Variants in RASGRP2 observed in about 807,000 individuals in gnomAD.
RASGRP2 encodes the protein RAS guanyl releasing protein 2.
RASGRP2 carries 44 observed loss-of-function variants against 71.0 expected under a neutral mutation model. The observed-to-expected ratio is 0.62, with a 90% CI of 0.49 to 0.80. The LOEUF (loss-of-function observed/expected upper bound fraction) is 0.80, where lower values mean the gene tolerates loss of function less well. Among genes scored for constraint, RASGRP2 ranks in the 30% least tolerant of loss-of-function variants. The probability of loss-of-function intolerance (pLI) is 0.00; values close to 1 mark genes in which losing one functional copy is unlikely to be tolerated. For synonymous variants in RASGRP2, 350 were observed against 330.7 expected (o/e 1.06, Z -0.63); for missense variants, 663 against 813.4 (o/e 0.82, Z 2.25).
chr11:64,742,245 G>A lies in RASGRP2; in HGVS notation c.74-133C>T. On this transcript the variant is annotated intron_variant, in intron 2 of 16. Coordinates refer to ENST00000394432, the MANE Select transcript of RASGRP2 (RefSeq NM_001098671.2). The surrounding 1 kb of genome is among the most constrained non-coding windows in gnomAD (Gnocchi z 4.7). ...CCCCGCCCACCTCCTGCTTGCCCAG[G>A]ACTCCGAGAGCAGGAGGCAAATTAG... is the stretch of plus-strand genomic sequence containing the variant. 1 of 737,088 alleles carries A rather than the reference G, an allele frequency of 1.4e-6. No homozygotes were observed. Among genetic ancestry groups the A allele is most frequent in the Non-Finnish European group, 2.4e-6 (1 of 408,938 alleles). The allele number at this position is 737,088 out of a possible 1,614,324, so 45.7% of individuals were successfully genotyped here. A position where few individuals can be genotyped will look rare whatever the true frequency, so the allele number is the denominator to read the frequency against.
At position 64,735,605 on chromosome 11, in the gene RASGRP2, G is replaced by C; in HGVS notation, c.1233C>G (p.Thr411=). 6.2e-7 allele frequency: 1 copy of C among 1,614,108 alleles called. No individual in the cohort carries two copies. The highest frequency in any genetic ancestry group is 2.2e-5 in the East Asian group (1 of 44,884). Residue 411 remains threonine, a synonymous_variant, in exon 11 of 17, where the codon ACC becomes ACG. Transcript: ENST00000394432. This position sits in a 1 kb window ranked among gnomAD's most constrained non-coding sequence, Gnocchi z 4.2. ...GATCCAGCTTGGGTTTGGCAGCCGA[G>C]GTCCACTCCTCCAGTACCGGGGGCC... ...PPRPPVLEEW[T]SAAKPKLDQA...
Position 64,742,926 on chromosome 11 carries a change from C to T in RASGRP2, c.-60G>A, listed in dbSNP as rs1386162667. On this transcript the variant is annotated 5_prime_UTR_variant, in exon 2 of 17. Coordinates refer to ENST00000394432, the MANE Select transcript of RASGRP2 (RefSeq NM_001098671.2). This position sits in a 1 kb window ranked among gnomAD's most constrained non-coding sequence, Gnocchi z 4.7. The stretch of plus-strand genomic sequence containing the variant: ...CGCTCCGGGAGCCTCCCACCGGGCT[C>T]GGACCGAACCCCTGTCCCGGGAGAG... 10 of 1,538,216 alleles carry T rather than the reference C, an allele frequency of 6.5e-6. No individual in the cohort carries two copies. Among genetic ancestry groups the T allele is most frequent in the Non-Finnish European group, 7.8e-6 (9 of 1,147,130 alleles).
chr11:64,735,722 G>A lies in RASGRP2; in HGVS notation c.1174-58C>T. On this transcript the variant is annotated intron_variant, in intron 10 of 16. Transcript: ENST00000394432. The surrounding 1 kb of genome is among the most constrained non-coding windows in gnomAD (Gnocchi z 4.2). The stretch of plus-strand genomic sequence containing the variant: ...GAGGCAGGGGAAGCCCAGAGCCCCG[G>A]GGAACAGAGAGGGGAATCCCTGGGA... The A allele has an allele frequency of 6.4e-7, 1 of 1,571,080 alleles. No homozygotes were observed. Among genetic ancestry groups the A allele is most frequent in the South Asian group, 1.2e-5 (1 of 86,746 alleles).
chr11:64,733,998 C>T (rs962980629), intron 12 of RASGRP2, among the ~76,000 whole-genome samples: 10 of 151,624 alleles, frequency 6.6e-5, no homozygotes, highest in Non-Finnish European at 1.5e-4. Context: ...ACTACAGGCA[C>T]GTGCCACCCA....
intron 9 of RASGRP2, 90 bp from the exon 10 acceptor site, chr11:64,736,070 GCT>G: frequency 9.9e-7 from 1 of 1,014,078 alleles, no homozygotes; most frequent in Non-Finnish European, 1.5e-6. Flanking sequence ...CCACAGCTCA[GCT>G]CAGAGCTCGG....
intron 9 of RASGRP2, 52 bp downstream of exon 9, chr11:64,736,701 A>T: frequency 6.5e-7 from 1 of 1,541,524 alleles, no homozygotes; most frequent in Non-Finnish European, 8.8e-7. Context: ...ACCTGGGGAA[A>T]CTGTCAACCC....
rs767701927 is a variant in RASGRP2, at chr11:64,739,434, C to A, written c.739G>T (p.Val247Phe). ...LQNFNTLMAV[V>F]GGLSHSSISR... is the part of the protein sequence containing the mutation. ...ATGGAGCTGTGGCTCAGGCCCCCGA[C>A]CACTGCCATCAGCGTGTTGAAGTTC... is the stretch of plus-strand genomic sequence containing the variant. The change falls in exon 8 of 17, where the codon GTC becomes TTC. Residue 247 changes from valine (V) to phenylalanine (F), a missense_variant. Coordinates refer to ENST00000394432, the MANE Select transcript of RASGRP2 (RefSeq NM_001098671.2). This position sits in a 1 kb window ranked among gnomAD's most constrained non-coding sequence, Gnocchi z 4.2. The A allele has an allele frequency of 3.1e-6, 5 of 1,614,198 alleles. No homozygotes were observed. In the South Asian group the frequency reaches 5.5e-5, roughly 18 times the overall value.
At chr11:64,734,261 G>A (rs575956471) in intron 12 of RASGRP2, among the ~76,000 whole-genome samples, 10 of 151,710 alleles carry the variant, frequency 6.6e-5, no homozygotes, top group East Asian at 5.9e-4. Context: ...GCAGCGAGCC[G>A]AGATTGTACC....
chr11:64,729,080 G>T (rs1293371960), intron 14 of RASGRP2, 38 bp from the exon 15 acceptor site: 3 of 1,554,624 alleles, frequency 1.9e-6, no homozygotes, highest in South Asian at 1.2e-5. Flanking sequence ...CAGGGACATT[G>T]GTCAGAATAC....
chr11:64,736,106 A>C, intron 9 of RASGRP2, 126 bp from the exon 10 acceptor site: 1 of 766,846 alleles, frequency 1.3e-6, no homozygotes. Context: ...CTCAGGACAA[A>C]GCCTGGCTTA....
chr11:64,739,705 G>A lies in RASGRP2; in HGVS notation c.627C>T (p.Leu209=). 1 of 1,613,958 alleles carries A rather than the reference G, an allele frequency of 6.2e-7. No individual in the cohort carries two copies. Among genetic ancestry groups the A allele is most frequent in the East Asian group, 2.2e-5 (1 of 44,882 alleles). Residue 209 remains leucine, a synonymous_variant, in exon 7 of 17, where the codon CTC becomes CTT. Transcript: ENST00000394432. This position sits in a 1 kb window ranked among gnomAD's most constrained non-coding sequence, Gnocchi z 4.2. The stretch of plus-strand genomic sequence containing the variant: ...GGGCTGTGGGTTTGCTGAGGATCAT[G>A]AGCTGCACCCACTGTGAGACGCTGT... ...LFNSVSQWVQ[L]MILSKPTAPQ... is the part of the protein sequence containing the mutation.
rs756721810 is a variant in RASGRP2 at position 64,742,885 on chromosome 11, G to C, written c.-19C>G. ...CTGCCATGGCCGCCGGCGCGGGGTG[G>C]GCTGGGCCCAGGCTGCGCTCCGGGA... On this transcript the variant is annotated 5_prime_UTR_variant, in exon 2 of 17. Coordinates refer to ENST00000394432, the MANE Select transcript of RASGRP2 (RefSeq NM_001098671.2). This position sits in a 1 kb window ranked among gnomAD's most constrained non-coding sequence, Gnocchi z 4.7. The C allele has an allele frequency of 6.3e-7, 1 of 1,575,988 alleles. No homozygotes were observed. Among genetic ancestry groups the C allele is most frequent in the South Asian group, 1.2e-5 (1 of 86,908 alleles).
rs1050899293 is a variant in RASGRP2 at position 64,729,949 on chromosome 11, T to C, written c.1554+104A>G. The C allele has an allele frequency of 4.6e-6, 7 of 1,527,048 alleles. No homozygotes were observed. In the African/African-American group the frequency reaches 9.7e-5, roughly 21 times the overall value. The allele number at this position is 1,527,048 out of a possible 1,614,324, so 94.6% of individuals were successfully genotyped here. A position where few individuals can be genotyped will look rare whatever the true frequency, so the allele number is the denominator to read the frequency against. On this transcript the variant is annotated intron_variant, in intron 13 of 16. Transcript: ENST00000394432. ...AGAGGCAAATAGAATTACCAGGTTT[T>C]CCTGGCTTGAGAAGGGCTCTGGCAG...
intron 12 of RASGRP2, among the ~76,000 whole-genome samples, chr11:64,732,586 G>C (rs760053088): frequency 6.6e-6 from 1 of 152,158 alleles, no homozygotes; most frequent in Admixed American, 6.5e-5. Flanking sequence ...GAGGTCTGGA[G>C]GTCGAGACCA....
chr11:64,733,853 C>CTCT (rs371820157), intron 12 of RASGRP2, among the ~76,000 whole-genome samples: 3 of 135,656 alleles, frequency 2.2e-5, no homozygotes, highest in Non-Finnish European at 4.6e-5. Context: ...CTTTTTTTTT[C>CTCT]TTTTTTTTTT....
At position 64,739,947 on chromosome 11, in the gene RASGRP2, C is replaced by T. The variant is rs902914041; in HGVS notation, c.522+66G>A. The T allele has an allele frequency of 1.3e-5, 21 of 1,611,680 alleles. No homozygotes were observed. The highest frequency in any genetic ancestry group is 1.7e-4 in the Middle Eastern group (1 of 6,046). On this transcript the variant is annotated intron_variant, in intron 6 of 16. Coordinates refer to ENST00000394432, the MANE Select transcript of RASGRP2 (RefSeq NM_001098671.2). This position sits in a 1 kb window ranked among gnomAD's most constrained non-coding sequence, Gnocchi z 4.2. ...TGTGACCCAGCCTACGCCAGGGACC[C>T]TGCCCCTCCTAGAACTCTCTTCCAG...
In RASGRP2 at chr11:64,742,198, G is replaced by C; in HGVS notation, c.74-86C>G. 1.9e-6 allele frequency: 2 copies of C among 1,044,578 alleles called. No individual in the cohort carries two copies. Among genetic ancestry groups the C allele is most frequent in the Non-Finnish European group, 2.9e-6 (2 of 685,692 alleles). The allele number at this position is 1,044,578 out of a possible 1,614,324, so 64.7% of individuals were successfully genotyped here. A position where few individuals can be genotyped will look rare whatever the true frequency, so the allele number is the denominator to read the frequency against. On this transcript the variant is annotated intron_variant, in intron 2 of 16. Coordinates refer to ENST00000394432, the MANE Select transcript of RASGRP2 (RefSeq NM_001098671.2). The surrounding 1 kb of genome is among the most constrained non-coding windows in gnomAD (Gnocchi z 4.7). Reference sequence around the variant, plus strand: ...CTCACCCCGCAACCCGCCAGGTATCGGTCCTTCGGGTGCACGCTCGACCCC... The same window carrying C: ...CTCACCCCGCAACCCGCCAGGTATCCGTCCTTCGGGTGCACGCTCGACCCC...
Position 64,742,045 on chromosome 11 carries a change from G to T in RASGRP2, c.141C>A (p.Ile47=). 1 of 1,612,016 alleles carries T rather than the reference G, an allele frequency of 6.2e-7. No individual in the cohort carries two copies. The highest frequency in any genetic ancestry group is 1.7e-5 in the Admixed American group (1 of 59,750). The change falls in exon 3 of 17, where the codon ATC becomes ATA. Residue 47 remains isoleucine (I), a synonymous_variant. Transcript: ENST00000394432. This position sits in a 1 kb window ranked among gnomAD's most constrained non-coding sequence, Gnocchi z 4.7. ...RMFLMMHPWY[I]PSSQLAAKLL... ...GCTTGGCCGCCAGCTGAGAGGAGGG[G>T]ATGTACCAGGGGTGCATCATGAGGA... is the stretch of plus-strand genomic sequence containing the variant.
intron 9 of RASGRP2, 92 bp downstream of exon 9, chr11:64,736,661 C>G (rs781575364): frequency 5.7e-6 from 8 of 1,413,390 alleles, no homozygotes; most frequent in Non-Finnish European, 5.8e-6. Flanking sequence ...TGGCCAGAAC[C>G]CAGAGCCCCA....
Sources: gnomAD v4.1 joint callset for allele counts (sites outside exome capture counted in the v4.1 genomes callset) on GRCh38, gnomAD v4.1.1 for gene constraint, Gnocchi (gnomAD v3.1) non-coding constraint, MANE v1.5 for transcripts, NCBI Gene and HGNC (gene_info 2026-07-23, HGNC 2026-07-21) for gene names.